NAMPT: variants seen among roughly 807,000 people sequenced by gnomAD.
The protein encoded by NAMPT is NAmPRTase.
Under a neutral mutation model 58.7 loss-of-function variants are expected in NAMPT, and 7 were observed. That is an observed-to-expected ratio of 0.12 (90% CI 0.07 to 0.22). The LOEUF is 0.22. Ranked by LOEUF, NAMPT falls within the 10% of genes least tolerant of loss-of-function variation. NAMPT has a pLI of 1.00. For missense variants in NAMPT, 271 were observed against 567.9 expected, an observed-to-expected ratio of 0.48 and a Z score of 5.31; for synonymous variants, 145 against 198.1, an observed-to-expected ratio of 0.73 and a Z score of 2.25.
chr7:106,284,383 G>GGC (rs143883759), intron 1 of NAMPT: 151,181 of 151,192 alleles, frequency 1, 75,585 homozygotes, highest in Middle Eastern at 1. Flanking sequence ...GGGCTGGCCC[G>GGC]GGGGAAAGCC....
Position 106,253,020 on chromosome 7 carries a change from A to C in NAMPT, c.1362T>G (p.Gly454=). The change falls in exon 10 of 11, where the codon GGT becomes GGG. Residue 454 remains glycine, a synonymous_variant. Transcript: ENST00000222553. ...EEGKGDLEEY[G]QDLLHTVFKN... ...ACCAATCAGCATAGATACATACCTGACCATATTCCTCAAGGTCTCCTTTTC... is the reference window on the plus strand; with the variant it reads ...ACCAATCAGCATAGATACATACCTGCCCATATTCCTCAAGGTCTCCTTTTC... 8.1e-6 allele frequency: 13 copies of C among 1,613,126 alleles called. No individual in the cohort carries two copies. The highest frequency in any genetic ancestry group is 1.1e-5 in the Non-Finnish European group (13 of 1,179,286).
chr7:106,272,779 T>C (rs964704805), intron 3 of NAMPT, 121 bp from the exon 4 acceptor site: 4 of 992,676 alleles, frequency 4.0e-6, no homozygotes, highest in African/African-American at 3.3e-5. Context: ...ATTGCAATTG[T>C]AGATGTTACT....
At chr7:106,269,080 T>A in intron 5 of NAMPT, 74 bp downstream of exon 5, 1 of 1,380,040 alleles carries the variant, frequency 7.2e-7, no homozygotes, top group Non-Finnish European at 9.9e-7. Flanking sequence ...CTCAATAACG[T>A]CCCCAAAAGT....
At chr7:106,268,693 A>G in intron 5 of NAMPT, 93 bp from the exon 6 acceptor site, 2 of 831,422 alleles carry the variant, frequency 2.4e-6, no homozygotes, top group South Asian at 2.9e-5. Context: ...GGAATATAGC[A>G]TAGCTCCCAT....
chr7:106,255,713 C>T (rs1482034704), intron 8 of NAMPT, among the ~76,000 whole-genome samples: 1 of 152,158 alleles, frequency 6.6e-6, no homozygotes, highest in African/African-American at 2.4e-5. Context: ...CAAATCCAGT[C>T]TCATGTCTTT....
intron 8 of NAMPT, among the ~76,000 whole-genome samples, chr7:106,255,552 C>T (rs2115729227): frequency 7.5e-6 from 1 of 133,946 alleles, no homozygotes; most frequent in South Asian, 2.1e-4. Flanking sequence ...CCCAACAAAT[C>T]CCAAGCAACT....
intron 4 of NAMPT, chr7:106,271,984 C>T (rs772964340): frequency 1.5e-4 from 33 of 221,924 alleles, no homozygotes; most frequent in Non-Finnish European, 2.4e-4. Context: ...AAAAAAGGCT[C>T]GCAGTATAAA....
At chr7:106,268,644 C>T (rs747158253) in intron 5 of NAMPT, 44 bp from the exon 6 acceptor site, 5 of 1,458,608 alleles carry the variant, frequency 3.4e-6, no homozygotes, top group Non-Finnish European at 4.8e-6. Flanking sequence ...AGAAAGAAAC[C>T]CACATTAATA....
chr7:106,284,984 G>C (rs934991738), upstream of NAMPT: 16 of 1,484,442 alleles, frequency 1.1e-5, no homozygotes, highest in African/African-American at 2.1e-4. Context: ...TTAAGTCACT[G>C]CTCGGTCGGC....
chr7:106,260,326 C>A (rs1361594869), intron 8 of NAMPT, among the ~76,000 whole-genome samples: 2 of 152,248 alleles, frequency 1.3e-5, no homozygotes, highest in African/African-American at 4.8e-5. Context: ...CCCTAAACCA[C>A]AGGAACCAAC....
intron 7 of NAMPT, among the ~76,000 whole-genome samples, chr7:106,262,897 C>G (rs1035606874): frequency 6.6e-6 from 1 of 151,946 alleles, no homozygotes; most frequent in Non-Finnish European, 1.5e-5. Flanking sequence ...TAAACCAAGT[C>G]CTTGAACATT....
At chr7:106,261,530 A>AT in intron 8 of NAMPT, 58 bp downstream of exon 8, 1 of 1,340,352 alleles carries the variant, frequency 7.5e-7, no homozygotes, top group Non-Finnish European at 1.0e-6. Context: ...TTTATCAAAC[A>AT]TAAACAAACT....
rs894565080 is a variant in NAMPT at position 106,248,349 on chromosome 7, T to C, written c.*2734A>G. 2.0e-5 allele frequency: 3 copies of C among 152,574 alleles called. No individual in the cohort carries two copies. Among genetic ancestry groups the C allele is most frequent in the Non-Finnish European group, 2.9e-5 (2 of 67,996 alleles). 9.5% of individuals were successfully genotyped at this position (152,574 alleles called of 1,614,324 possible). A position where few individuals can be genotyped will look rare whatever the true frequency, so the allele number is the denominator to read the frequency against. ...TTTATTACATGTTTATAACTTGATG[T>C]TGAGTACATATTAGAATAGACTTAA... On this transcript the variant is annotated 3_prime_UTR_variant, in exon 11 of 11. Transcript: ENST00000222553.
At chr7:106,267,530 G>A (rs375936130) in intron 6 of NAMPT, among the ~76,000 whole-genome samples, 1 of 152,052 alleles carries the variant, frequency 6.6e-6, no homozygotes, top group East Asian at 1.9e-4. Flanking sequence ...CAGTGATAAG[G>A]TTTGGCAAAC....
rs547386459 is a variant in NAMPT, at chr7:106,281,958, T to A, written c.57+2870A>T. ...ATCTCCCTATGAAGTATATTCATGA[T>A]TTATATATTTTATTTATGGTGCTCA... On this transcript the variant is annotated intron_variant, in intron 1 of 10. Coordinates refer to ENST00000222553, the MANE Select transcript of NAMPT (RefSeq NM_005746.3). Among the ~76,000 whole-genome samples the A allele has an allele frequency of 2.0e-5, 3 of 152,280 alleles. No individual in the cohort carries two copies. In the South Asian group the frequency reaches 6.2e-4, roughly 32 times the overall value.
At chr7:106,270,986 T>A (rs1323401006) in intron 4 of NAMPT, among the ~76,000 whole-genome samples, 1 of 152,226 alleles carries the variant, frequency 6.6e-6, no homozygotes. Flanking sequence ...GCTTCTGAAA[T>A]TACTCTTTCA....
rs1339422809 is a variant in NAMPT, at chr7:106,250,956, G to C, written c.*127C>G. 6.0e-6 allele frequency: 4 copies of C among 666,958 alleles called. No homozygotes were observed. The highest frequency in any genetic ancestry group is 5.1e-5 in the South Asian group (3 of 58,698). The allele number at this position is 666,958 out of a possible 1,614,324, so 41.3% of individuals were successfully genotyped here. A position where few individuals can be genotyped will look rare whatever the true frequency, so the allele number is the denominator to read the frequency against. On this transcript the variant is annotated 3_prime_UTR_variant, in exon 11 of 11. Coordinates refer to ENST00000222553, the MANE Select transcript of NAMPT (RefSeq NM_005746.3). ...CTAAACACTGGAAAAGAAAAAAAATGAAAGGGCAGTATGTCCATAAACCAA... is the reference window on the plus strand; with the variant it reads ...CTAAACACTGGAAAAGAAAAAAAATCAAAGGGCAGTATGTCCATAAACCAA...
rs1792054285 is a variant in NAMPT, at chr7:106,248,476, GAAC to G, written c.*2604_*2606del. Reference sequence around the variant, plus strand: ...TGTGAGTTCTAAATTATGGCAAACAGAACAATAAATACCTTGCCATTTTTCTTT... The same window carrying G: ...TGTGAGTTCTAAATTATGGCAAACAGAATAAATACCTTGCCATTTTTCTTT... On this transcript the variant is annotated 3_prime_UTR_variant, in exon 11 of 11. Coordinates refer to ENST00000222553, the MANE Select transcript of NAMPT (RefSeq NM_005746.3). The G allele has an allele frequency of 6.6e-6, 1 of 152,340 alleles. No homozygotes were observed. The highest frequency in any genetic ancestry group is 2.4e-5 in the African/African-American group (1 of 41,362). 9.4% of individuals were successfully genotyped at this position (152,340 alleles called of 1,614,324 possible).
At chr7:106,279,687 T>G (rs775911901) in intron 1 of NAMPT, among the ~76,000 whole-genome samples, 1 of 152,092 alleles carries the variant, frequency 6.6e-6, no homozygotes, top group East Asian at 1.9e-4. Flanking sequence ...CTTCAGACAC[T>G]GAGGATGAGA....
Sources: allele counts gnomAD v4.1 joint callset (sites outside exome capture counted in the v4.1 genomes callset), GRCh38; gene constraint gnomAD v4.1.1; transcripts MANE v1.5; gene names NCBI Gene and HGNC (gene_info 2026-07-23, HGNC 2026-07-21).